FBXW2: variants seen among roughly 807,000 people sequenced by gnomAD.
The protein encoded by FBXW2 is F-box/WD repeat-containing protein 2.
Under a neutral mutation model 46.0 loss-of-function variants are expected in FBXW2, and 12 were observed. That is an observed-to-expected ratio of 0.26 (90% CI 0.17 to 0.42). The LOEUF is 0.42. FBXW2 is among the 10% of genes least tolerant of loss of function. The pLI is 1.00. For missense variants in FBXW2, 360 were observed against 537.0 expected (o/e 0.67, Z 3.26); for synonymous variants, 203 against 209.6 (o/e 0.97, Z 0.27).
At chr9:120,792,988 G>A (rs1388475386) in intron 2 of FBXW2, 161 bp downstream of exon 2, 2 of 1,530,878 alleles carry the variant, frequency 1.3e-6, no homozygotes, top group South Asian at 1.2e-5. Context: ...TGGTAGCCCT[G>A]GGACATCACT....
chr9:120,772,179 A>G (rs2044391266), intron 6 of FBXW2, among the ~76,000 whole-genome samples: 1 of 151,774 alleles, frequency 6.6e-6, no homozygotes, highest in Admixed American at 6.6e-5. Flanking sequence ...AGAATTAAGG[A>G]CGGTAGGAGA....
chr9:120,788,362 A>C (rs1404714960), intron 2 of FBXW2, 84 bp from the exon 3 acceptor site: 1 of 1,345,850 alleles, frequency 7.4e-7, no homozygotes, highest in Non-Finnish European at 1.0e-6. Context: ...ATTAAAAATT[A>C]GTGTAAAAAA....
In FBXW2 at chr9:120,764,222, T is replaced by C. The variant is rs1483831675; in HGVS notation, c.*337A>G. The C allele has an allele frequency of 4.9e-6, 2 of 404,546 alleles. No individual in the cohort carries two copies. The highest frequency in any genetic ancestry group is 8.7e-6 in the Non-Finnish European group (2 of 229,742). The allele number at this position is 404,546 out of a possible 1,614,324, so 25.1% of individuals were successfully genotyped here. A position where few individuals can be genotyped will look rare whatever the true frequency, so the allele number is the denominator to read the frequency against. On this transcript the variant is annotated 3_prime_UTR_variant, in exon 8 of 8. Transcript: ENST00000608872. ...CAATGTGATTTCATAGGCAACCAAT[T>C]AGCAGATTAATGGATCATTTAACTT...
At chr9:120,767,768 C>T (rs965560258) in intron 7 of FBXW2, among the ~76,000 whole-genome samples, 1 of 152,176 alleles carries the variant, frequency 6.6e-6, no homozygotes, top group African/African-American at 2.4e-5. Context: ...AGCTAGGAAA[C>T]GTGGCAACCA....
chr9:120,788,266 T>C lies in FBXW2; in HGVS notation c.-8A>G, dbSNP rs764467648. On this transcript the variant is annotated 5_prime_UTR_variant, in exon 3 of 8. Transcript: ENST00000608872. Reference sequence around the variant, plus strand: ...AAAGTCCTTTCTCTCCATAAGGTTATGGAAAAATTTACCTGTGGCACATCA... The same window carrying C: ...AAAGTCCTTTCTCTCCATAAGGTTACGGAAAAATTTACCTGTGGCACATCA... 3.7e-6 allele frequency: 6 copies of C among 1,611,186 alleles called. No homozygotes were observed. The highest frequency in any genetic ancestry group is 1.7e-5 in the Admixed American group (1 of 59,824).
chr9:120,790,651 G>A (rs2044819216), intron 2 of FBXW2, among the ~76,000 whole-genome samples: 1 of 152,098 alleles, frequency 6.6e-6, no homozygotes, highest in Admixed American at 6.5e-5. Flanking sequence ...ATTTAAGTGA[G>A]CTGAACTGTT....
rs1301367419 is a variant in FBXW2, at chr9:120,763,580, G to C, written c.*979C>G. 2 of 152,144 alleles carry C rather than the reference G, an allele frequency of 1.3e-5. No individual in the cohort carries two copies. The highest frequency in any genetic ancestry group is 2.9e-5 in the Non-Finnish European group (2 of 68,018). 9.4% of individuals were successfully genotyped at this position (152,144 alleles called of 1,614,324 possible). Reference sequence around the variant, plus strand: ...TATTCATCCTTTTCATATAATTGATGTTCTTATAGAAAACTCTGTAACAGT... The same window carrying C: ...TATTCATCCTTTTCATATAATTGATCTTCTTATAGAAAACTCTGTAACAGT... On this transcript the variant is annotated 3_prime_UTR_variant, in exon 8 of 8. Coordinates refer to ENST00000608872, the MANE Select transcript of FBXW2 (RefSeq NM_012164.4).
Position 120,761,575 on chromosome 9 carries a change from T to G in FBXW2, c.*2984A>C, listed in dbSNP as rs1161848160. On this transcript the variant is annotated 3_prime_UTR_variant, in exon 8 of 8. Transcript: ENST00000608872. Reference sequence around the variant, plus strand: ...CCACTTCTCATTCTGACTCCCCACTTTGCTTTCTTTTGCAAAAAGGATGAG... The same window carrying G: ...CCACTTCTCATTCTGACTCCCCACTGTGCTTTCTTTTGCAAAAAGGATGAG... 6.6e-6 allele frequency: 1 copy of G among 152,230 alleles called. No individual in the cohort carries two copies. Among genetic ancestry groups the G allele is most frequent in the Non-Finnish European group, 1.5e-5 (1 of 68,042 alleles). The allele number at this position is 152,230 out of a possible 1,614,324, so 9.4% of individuals were successfully genotyped here. A position where few individuals can be genotyped will look rare whatever the true frequency, so the allele number is the denominator to read the frequency against.
In FBXW2 at chr9:120,793,175, C is replaced by T. The variant is rs2044889760; in HGVS notation, c.-47G>A. ...TGAGCGAGCGCCCCGGGGCCCGGGA[C>T]CTCGCGCCGGGTTCACAGCTACTAG... On this transcript the variant is annotated 5_prime_UTR_variant, in exon 2 of 8. Transcript: ENST00000608872. 13 of 575,634 alleles carry T rather than the reference C, an allele frequency of 2.3e-5. No individual in the cohort carries two copies. The highest frequency in any genetic ancestry group is 2.0e-4 in the Admixed American group (6 of 30,608). The allele number at this position is 575,634 out of a possible 1,614,324, so 35.7% of individuals were successfully genotyped here. A position where few individuals can be genotyped will look rare whatever the true frequency, so the allele number is the denominator to read the frequency against.
chr9:120,759,502 C>T lies in FBXW2; in HGVS notation c.*5057G>A, dbSNP rs929908574. 4 of 152,158 alleles carry T rather than the reference C, an allele frequency of 2.6e-5. No homozygotes were observed. The highest frequency in any genetic ancestry group is 5.9e-5 in the Non-Finnish European group (4 of 68,024). The allele number at this position is 152,158 out of a possible 1,614,324, so 9.4% of individuals were successfully genotyped here. A position where few individuals can be genotyped will look rare whatever the true frequency, so the allele number is the denominator to read the frequency against. On this transcript the variant is annotated 3_prime_UTR_variant, in exon 8 of 8. Transcript: ENST00000608872. ...TCTAAATCACAACATACATCAAATT[C>T]GTGAAATATGAGTTGATTACTTTTT...
At chr9:120,776,371 C>A in intron 4 of FBXW2, 145 bp from the exon 5 acceptor site, 1 of 855,058 alleles carries the variant, frequency 1.2e-6, no homozygotes, top group Non-Finnish European at 1.7e-6. Flanking sequence ...TAGCAATTTT[C>A]TGATAAAACT....
intron 3 of FBXW2, among the ~76,000 whole-genome samples, chr9:120,787,350 T>C (rs994011527): frequency 3.2e-4 from 48 of 152,152 alleles, no homozygotes; most frequent in Non-Finnish European, 8.8e-5. Flanking sequence ...ATTTTAAAGA[T>C]ACAGAGAGGT....
At chr9:120,766,656 G>T (rs576081929) in intron 7 of FBXW2, among the ~76,000 whole-genome samples, 1 of 152,058 alleles carries the variant, frequency 6.6e-6, no homozygotes, top group Admixed American at 6.6e-5. Flanking sequence ...GTAGAGATGA[G>T]GTTTTACCAT....
intron 3 of FBXW2, among the ~76,000 whole-genome samples, chr9:120,785,865 C>CA (rs1029954344): frequency 2.0e-5 from 3 of 150,744 alleles, no homozygotes; most frequent in Non-Finnish European, 1.5e-5. Flanking sequence ...ACTAAAAATA[C>CA]AAAAAAAATT....
intron 3 of FBXW2, among the ~76,000 whole-genome samples, chr9:120,786,257 G>C (rs541760932): frequency 2.0e-5 from 3 of 152,196 alleles, no homozygotes; most frequent in South Asian, 2.1e-4. Flanking sequence ...GGTGGGAGGT[G>C]ACTGGATCAT....
At chr9:120,768,218 T>C (rs2044309276) in intron 7 of FBXW2, among the ~76,000 whole-genome samples, 1 of 152,188 alleles carries the variant, frequency 6.6e-6, no homozygotes, top group Non-Finnish European at 1.5e-5. Flanking sequence ...ACTCACCCTT[T>C]AGAGCTCAGC....
At chr9:120,765,805 A>G (rs1277106047) in intron 7 of FBXW2, among the ~76,000 whole-genome samples, 2 of 152,226 alleles carry the variant, frequency 1.3e-5, no homozygotes, top group East Asian at 3.8e-4. Flanking sequence ...GAAAAAAACT[A>G]GGGAAGAAAC....
chr9:120,767,785 TCTCCTC>T (rs1007714376), intron 7 of FBXW2, among the ~76,000 whole-genome samples: 2 of 152,108 alleles, frequency 1.3e-5, no homozygotes, highest in African/African-American at 4.8e-5. Flanking sequence ...ACCATCCAAT[TCTCCTC>T]CTCCTCCTCA....
At chr9:120,792,951 A>G (rs2044882788) in intron 2 of FBXW2, 198 bp downstream of exon 2, 1 of 1,533,522 alleles carries the variant, frequency 6.5e-7, no homozygotes, top group East Asian at 2.4e-5. Context: ...AAACCACCTC[A>G]TCACACTTCA....
Sources: allele counts gnomAD v4.1 joint callset (sites outside exome capture counted in the v4.1 genomes callset), GRCh38; gene constraint gnomAD v4.1.1; transcripts MANE v1.5; gene names NCBI Gene and HGNC (gene_info 2026-07-23, HGNC 2026-07-21).